The following TMEM30B variants were observed in gnomAD, a reference collection of about 807,000 sequenced individuals.
TMEM30B encodes cell cycle control protein 50B.
TMEM30B carries 25 observed loss-of-function variants against 27.9 expected under a neutral mutation model. The observed-to-expected ratio is 0.89, with a 90% CI of 0.65 to 1.25. TMEM30B has a LOEUF of 1.25. Among genes scored for constraint, TMEM30B ranks in the 50% most tolerant of loss-of-function variants. The probability of loss-of-function intolerance (pLI) is 0.00; values close to 1 mark genes in which losing one functional copy is unlikely to be tolerated. For missense variants in TMEM30B, 536 were observed against 506.5 expected (o/e 1.06, Z -0.56); for synonymous variants, 248 against 238.5 (o/e 1.04, Z -0.37).
Position 61,281,047 on chromosome 14 carries a change from A to C in TMEM30B, c.101T>G (p.Ile34Ser). Reference sequence around the variant, plus strand: ...CGCGCAGAAGAAGAGCGGCAGCGCGATGCTGGCCGACAGCAGCGGCTGCCA... The same window carrying C: ...CGCGCAGAAGAAGAGCGGCAGCGCGCTGCTGGCCGACAGCAGCGGCTGCCA... ...PAWQPLLSASIALPLFFCAGL... is the reference protein window; with the variant it reads ...PAWQPLLSASSALPLFFCAGL... Residue 34 changes from isoleucine (I) to serine (S), a missense_variant, in exon 1 of 1, where the codon ATC (isoleucine) becomes AGC (serine). By Grantham distance (142) the Ile-to-Ser change is moderately radical. Coordinates refer to ENST00000555868, the MANE Select transcript of TMEM30B (RefSeq NM_001017970.3). 6.6e-7 allele frequency: 1 copy of C among 1,525,682 alleles called. No individual in the cohort carries two copies. The allele number at this position is 1,525,682 out of a possible 1,614,324, so 94.5% of individuals were successfully genotyped here.
At position 61,280,540 on chromosome 14, in the gene TMEM30B, T is replaced by C; in HGVS notation, c.608A>G (p.His203Arg). Residue 203 changes from histidine to arginine, a missense_variant, in exon 1 of 1, where the codon CAC (histidine) becomes CGC (arginine). Physicochemically the swap from His to Arg is conservative, Grantham distance 29. Transcript: ENST00000555868. The surrounding 1 kb of genome is among the most constrained non-coding windows in gnomAD (Gnocchi z 5.0). ...CAGCGGCGGGTTGCGGAACTTGACG[T>C]GGTAGTCGGTCCACCAGGCGATGCC... Reference protein sequence around the residue: ...RSGIAWWTDYHVKFRNPPLVN... With the variant: ...RSGIAWWTDYRVKFRNPPLVN... The C allele has an allele frequency of 6.2e-7, 1 of 1,611,884 alleles. No homozygotes were observed. Among genetic ancestry groups the C allele is most frequent in the African/African-American group, 1.3e-5 (1 of 74,968 alleles).
rs1411803758 is a variant in TMEM30B at position 61,280,870 on chromosome 14, G to C, written c.278C>G (p.Ser93Trp). The C allele has an allele frequency of 1.1e-5, 18 of 1,566,262 alleles. No individual in the cohort carries two copies. Among genetic ancestry groups the C allele is most frequent in the Non-Finnish European group, 1.5e-5 (17 of 1,164,046 alleles). The change falls in exon 1 of 1, where the codon TCG becomes TGG. Residue 93 changes from serine (S) to tryptophan (W), a missense_variant. By Grantham distance (177) the Ser-to-Trp change is radical. Transcript: ENST00000555868. This position sits in a 1 kb window ranked among gnomAD's most constrained non-coding sequence, Gnocchi z 5.0. ...GQGRALPPPC[S>W]CAWYFSLPEL... ...GGGCAGCGAGAAGTACCAGGCGCAC[G>C]AGCAGGGGGGCGGCAGCGCCCGGCC... is the stretch of plus-strand genomic sequence containing the variant.
rs2045248964 is a variant in TMEM30B, at chr14:61,280,496, A to G, written c.652T>C (p.Leu218=). 1 of 1,612,796 alleles carries G rather than the reference A, an allele frequency of 6.2e-7. No homozygotes were observed. Among genetic ancestry groups the G allele is most frequent in the African/African-American group, 1.3e-5 (1 of 74,922 alleles). The stretch of plus-strand genomic sequence containing the variant: ...GGGGGCGCCGTGCCCTGGAAGGCCA[A>G]CGCCAGGCTGCCGTTGACCAGCGGC... The part of the protein sequence containing the change: ...NPPLVNGSLA[L]AFQGTAPPPN... The change falls in exon 1 of 1, where the codon TTG becomes CTG. Residue 218 remains leucine, a synonymous_variant. Transcript: ENST00000555868. This position sits in a 1 kb window ranked among gnomAD's most constrained non-coding sequence, Gnocchi z 5.0.
rs539925872 is a variant in TMEM30B, at chr14:61,281,153, C to CCGCGCGGGGACCGA, written c.-20_-7dup. On this transcript the variant is annotated 5_prime_UTR_variant, in exon 1 of 1. Transcript: ENST00000555868. ...GCCGTGGCGCTCCAGGTCATGGCGG[C>CCGCGCGGGGACCGA]CGCGCGGGGACCGACGCGCGGGCTG... The CCGCGCGGGGACCGA allele has an allele frequency of 6.9e-4, 921 of 1,336,774 alleles. 4 individuals carry two copies. The African/African-American group carries it at 0.013, about 19-fold the overall frequency. 82.8% of individuals were successfully genotyped at this position (1,336,774 alleles called of 1,614,324 possible).
In TMEM30B at chr14:61,280,508, C is replaced by G. The variant is rs2045249145; in HGVS notation, c.640G>C (p.Gly214Arg). ...CCCTGGAAGGCCAACGCCAGGCTGCCGTTGACCAGCGGCGGGTTGCGGAAC... is the reference window on the plus strand; with the variant it reads ...CCCTGGAAGGCCAACGCCAGGCTGCGGTTGACCAGCGGCGGGTTGCGGAAC... ...VKFRNPPLVN[G>R]SLALAFQGTA... The change falls in exon 1 of 1, where the codon GGC becomes CGC. Residue 214 changes from glycine to arginine, a missense_variant. Transcript: ENST00000555868. The surrounding 1 kb of genome is among the most constrained non-coding windows in gnomAD (Gnocchi z 5.0). The G allele has an allele frequency of 1.2e-6, 2 of 1,612,964 alleles. No individual in the cohort carries two copies. Among genetic ancestry groups the G allele is most frequent in the Non-Finnish European group, 1.7e-6 (2 of 1,179,606 alleles).
In TMEM30B at chr14:61,280,812, G is replaced by A. The variant is rs768490902; in HGVS notation, c.336C>T (p.Tyr112=). 3 of 1,563,312 alleles carry A rather than the reference G, an allele frequency of 1.9e-6. No homozygotes were observed. The highest frequency in any genetic ancestry group is 2.6e-6 in the Non-Finnish European group (3 of 1,163,654). Residue 112 remains tyrosine, a synonymous_variant, in exon 1 of 1, where the codon TAC becomes TAT. Coordinates refer to ENST00000555868, the MANE Select transcript of TMEM30B (RefSeq NM_001017970.3). The surrounding 1 kb of genome is among the most constrained non-coding windows in gnomAD (Gnocchi z 5.0). ...ELFQGPVYLY[Y]ELTNFYQNNR... is the part of the protein sequence containing the mutation. ...TGTTCTGGTAGAAGTTGGTCAGCTC[G>A]TAGTAGAGGTACACTGGGCCCTGGA...
rs1036334297 is a variant in TMEM30B, at chr14:61,277,417, C to T, written c.*2675G>A. The T allele has an allele frequency of 9.9e-5, 15 of 152,150 alleles. No homozygotes were observed. The highest frequency in any genetic ancestry group is 3.6e-4 in the African/African-American group (15 of 41,432). 9.4% of individuals were successfully genotyped at this position (152,150 alleles called of 1,614,324 possible). A position where few individuals can be genotyped will look rare whatever the true frequency, so the allele number is the denominator to read the frequency against. On this transcript the variant is annotated 3_prime_UTR_variant, in exon 1 of 1. Coordinates refer to ENST00000555868, the MANE Select transcript of TMEM30B (RefSeq NM_001017970.3). ...TACAAAGTTAGGTCAAAGCTCATTT[C>T]CAGTCCAATTGTTGAGGTTCACTCT...
At position 61,280,807 on chromosome 14, in the gene TMEM30B, A is replaced by G. The variant is rs992363674; in HGVS notation, c.341T>C (p.Leu114Pro). ...FQGPVYLYYELTNFYQNNRRY... is the reference protein window; with the variant it reads ...FQGPVYLYYEPTNFYQNNRRY... ...CCGGTTGTTCTGGTAGAAGTTGGTC[A>G]GCTCGTAGTAGAGGTACACTGGGCC... The change falls in exon 1 of 1, where the codon CTG becomes CCG. Residue 114 changes from leucine (L) to proline (P), a missense_variant. Transcript: ENST00000555868. The surrounding 1 kb of genome is among the most constrained non-coding windows in gnomAD (Gnocchi z 5.0). 2.6e-6 allele frequency: 4 copies of G among 1,560,866 alleles called. No homozygotes were observed. Among genetic ancestry groups the G allele is most frequent in the Non-Finnish European group, 3.4e-6 (4 of 1,162,664 alleles).
Position 61,281,040 on chromosome 14 carries a change from C to A in TMEM30B, c.108G>T (p.Leu36=). 2 of 1,529,082 alleles carry A rather than the reference C, an allele frequency of 1.3e-6. No homozygotes were observed. Among genetic ancestry groups the A allele is most frequent in the Non-Finnish European group, 1.8e-6 (2 of 1,141,080 alleles). 94.7% of individuals were successfully genotyped at this position (1,529,082 alleles called of 1,614,324 possible). ...WQPLLSASIA[L]PLFFCAGLAF... ...CCAGGCCCGCGCAGAAGAAGAGCGG[C>A]AGCGCGATGCTGGCCGACAGCAGCG... The change falls in exon 1 of 1, where the codon CTG becomes CTT. Residue 36 remains leucine (L), a synonymous_variant. Coordinates refer to ENST00000555868, the MANE Select transcript of TMEM30B (RefSeq NM_001017970.3).
Position 61,280,942 on chromosome 14 carries a change from C to A in TMEM30B, c.206G>T (p.Gly69Val). 6.5e-7 allele frequency: 1 copy of A among 1,540,462 alleles called. No individual in the cohort carries two copies. The highest frequency in any genetic ancestry group is 8.7e-7 in the Non-Finnish European group (1 of 1,146,950). ...CGAGCAGTTACCGGTGCCCGGGTCG[C>A]CTGTATAGTCGTACTCCAGCTCCTT... is the stretch of plus-strand genomic sequence containing the variant. ...GIKELEYDYT[G>V]DPGTGNCSVC... is the part of the protein sequence containing the mutation. The change falls in exon 1 of 1, where the codon GGC (glycine) becomes GTC (valine). Residue 69 changes from glycine to valine, a missense_variant. Physicochemically the swap from Gly to Val is moderately radical, Grantham distance 109. Coordinates refer to ENST00000555868, the MANE Select transcript of TMEM30B (RefSeq NM_001017970.3). The surrounding 1 kb of genome is among the most constrained non-coding windows in gnomAD (Gnocchi z 5.0).
At position 61,279,562 on chromosome 14, in the gene TMEM30B, T is replaced by TA. The variant is rs2045237147; in HGVS notation, c.*529dup. ...TTTGGTGTCTCCTAATCTACCTGCATATTTAACAAGCATGTTCTCCCTCAC... is the reference window on the plus strand; with the variant it reads ...TTTGGTGTCTCCTAATCTACCTGCATAATTTAACAAGCATGTTCTCCCTCAC... On this transcript the variant is annotated 3_prime_UTR_variant, in exon 1 of 1. Coordinates refer to ENST00000555868, the MANE Select transcript of TMEM30B (RefSeq NM_001017970.3). 6.5e-6 allele frequency: 1 copy of TA among 153,358 alleles called. No homozygotes were observed. The highest frequency in any genetic ancestry group is 1.9e-4 in the East Asian group (1 of 5,208). 9.5% of individuals were successfully genotyped at this position (153,358 alleles called of 1,614,324 possible). A position where few individuals can be genotyped will look rare whatever the true frequency, so the allele number is the denominator to read the frequency against.
Position 61,281,084 on chromosome 14 carries a change from G to A in TMEM30B, c.64C>T (p.Arg22Cys). 1 of 1,512,356 alleles carries A rather than the reference G, an allele frequency of 6.6e-7. No individual in the cohort carries two copies. 93.7% of individuals were successfully genotyped at this position (1,512,356 alleles called of 1,614,324 possible). The change falls in exon 1 of 1, where the codon CGC becomes TGC. Residue 22 changes from arginine (R) to cysteine (C), a missense_variant. Physicochemically the swap from Arg to Cys is radical, Grantham distance 180. Transcript: ENST00000555868. ...AGCAGCGGCTGCCAGGCGGGGAGGCGCTGCTGAGTGAAGGCGGTGTTGTCG... is the reference window on the plus strand; with the variant it reads ...AGCAGCGGCTGCCAGGCGGGGAGGCACTGCTGAGTGAAGGCGGTGTTGTCG... ...QPDNTAFTQQ[R>C]LPAWQPLLSA...
chr14:61,280,134 G>C lies in TMEM30B; in HGVS notation c.1014C>G (p.Val338=), dbSNP rs756063139. The C allele has an allele frequency of 6.2e-7, 1 of 1,613,820 alleles. No homozygotes were observed. Among genetic ancestry groups the C allele is most frequent in the Non-Finnish European group, 8.5e-7 (1 of 1,179,908 alleles). The stretch of plus-strand genomic sequence containing the variant: ...CGTCCTGGTCCTGGTAGCGAATGTA[G>C]ACGACCAGCATGACAAAGCCGGTGA... The part of the protein sequence containing the change: ...CILTGFVMLV[V]YIRYQDQDDD... The change falls in exon 1 of 1, where the codon GTC becomes GTG. Residue 338 remains valine (V), a synonymous_variant. Transcript: ENST00000555868. This position sits in a 1 kb window ranked among gnomAD's most constrained non-coding sequence, Gnocchi z 5.0.
rs970022056 is a variant in TMEM30B, at chr14:61,279,038, G to A, written c.*1054C>T. On this transcript the variant is annotated 3_prime_UTR_variant, in exon 1 of 1. Coordinates refer to ENST00000555868, the MANE Select transcript of TMEM30B (RefSeq NM_001017970.3). ...AATGACAAAGAACACTGAGCTAGGA[G>A]ACATAGATGTGACTTTAGGGAACTT... The A allele has an allele frequency of 3.8e-4, 55 of 144,892 alleles. No homozygotes were observed. The highest frequency in any genetic ancestry group is 1.3e-3 in the African/African-American group (54 of 40,572). The allele number at this position is 144,892 out of a possible 1,614,324, so 9.0% of individuals were successfully genotyped here.
In TMEM30B at chr14:61,280,978, G is replaced by C; in HGVS notation, c.170C>G (p.Ser57Cys). 6.5e-7 allele frequency: 1 copy of C among 1,543,256 alleles called. No individual in the cohort carries two copies. Among genetic ancestry groups the C allele is most frequent in the Non-Finnish European group, 8.7e-7 (1 of 1,147,034 alleles). ...GTACTCCAGCTCCTTGATGCCGTTGGAGGAGTAGTAGAGGCCCAGGCCCAG... is the reference window on the plus strand; with the variant it reads ...GTACTCCAGCTCCTTGATGCCGTTGCAGGAGTAGTAGAGGCCCAGGCCCAG... ...IGLGLGLYYS[S>C]NGIKELEYDY... The change falls in exon 1 of 1, where the codon TCC becomes TGC. Residue 57 changes from serine to cysteine, a missense_variant. Coordinates refer to ENST00000555868, the MANE Select transcript of TMEM30B (RefSeq NM_001017970.3). This position sits in a 1 kb window ranked among gnomAD's most constrained non-coding sequence, Gnocchi z 5.0.
At position 61,281,051 on chromosome 14, in the gene TMEM30B, T is replaced by C; in HGVS notation, c.97A>G (p.Ser33Gly). ...CAGAAGAAGAGCGGCAGCGCGATGC[T>C]GGCCGACAGCAGCGGCTGCCAGGCG... ...LPAWQPLLSA[S>G]IALPLFFCAG... The change falls in exon 1 of 1, where the codon AGC becomes GGC. Residue 33 changes from serine (S) to glycine (G), a missense_variant. Ser to Gly is a moderately conservative substitution (Grantham distance 56). Coordinates refer to ENST00000555868, the MANE Select transcript of TMEM30B (RefSeq NM_001017970.3). The C allele has an allele frequency of 6.6e-7, 1 of 1,524,822 alleles. No homozygotes were observed. The highest frequency in any genetic ancestry group is 1.4e-5 in the African/African-American group (1 of 70,568). 94.5% of individuals were successfully genotyped at this position (1,524,822 alleles called of 1,614,324 possible).
rs2045240013 is a variant in TMEM30B, at chr14:61,279,886, C to G, written c.*206G>C. The G allele has an allele frequency of 5.2e-6, 3 of 581,404 alleles. No homozygotes were observed. The highest frequency in any genetic ancestry group is 3.7e-5 in the African/African-American group (2 of 53,438). 36.0% of individuals were successfully genotyped at this position (581,404 alleles called of 1,614,324 possible). On this transcript the variant is annotated 3_prime_UTR_variant, in exon 1 of 1. Transcript: ENST00000555868. ...GGGAAGAGTTTGCAAGGATGTTTCACTCTGCAGTCAACATCCCTCCCCGCG... is the reference window on the plus strand; with the variant it reads ...GGGAAGAGTTTGCAAGGATGTTTCAGTCTGCAGTCAACATCCCTCCCCGCG...
chr14:61,281,275 T>G lies in TMEM30B; in HGVS notation c.-128A>C, dbSNP rs1444311378. Reference sequence around the variant, plus strand: ...GGGTTTCCCGCCAGCTCAGGTGGGTTTTTGCCCGGGCCCCTCCTCTGCCTC... The same window carrying G: ...GGGTTTCCCGCCAGCTCAGGTGGGTGTTTGCCCGGGCCCCTCCTCTGCCTC... On this transcript the variant is annotated 5_prime_UTR_variant, in exon 1 of 1. Coordinates refer to ENST00000555868, the MANE Select transcript of TMEM30B (RefSeq NM_001017970.3). 2 of 475,168 alleles carry G rather than the reference T, an allele frequency of 4.2e-6. No homozygotes were observed. The highest frequency in any genetic ancestry group is 6.8e-6 in the Non-Finnish European group (2 of 292,190). The allele number at this position is 475,168 out of a possible 1,614,324, so 29.4% of individuals were successfully genotyped here. A position where few individuals can be genotyped will look rare whatever the true frequency, so the allele number is the denominator to read the frequency against.
chr14:61,280,827 T>G lies in TMEM30B; in HGVS notation c.321A>C (p.Pro107=), dbSNP rs2140092682. ...TGGTCAGCTCGTAGTAGAGGTACAC[T>G]GGGCCCTGGAAGAGCTCGGGCAGCG... The part of the protein sequence containing the change: ...YFSLPELFQG[P]VYLYYELTNF... Residue 107 remains proline (P), a synonymous_variant, in exon 1 of 1, where the codon CCA becomes CCC. Transcript: ENST00000555868. The surrounding 1 kb of genome is among the most constrained non-coding windows in gnomAD (Gnocchi z 5.0). 6.4e-7 allele frequency: 1 copy of G among 1,566,736 alleles called. No homozygotes were observed. The highest frequency in any genetic ancestry group is 1.2e-5 in the South Asian group (1 of 85,048).
Sources: allele counts gnomAD v4.1 joint callset, GRCh38; gene constraint gnomAD v4.1.1; non-coding constraint Gnocchi (gnomAD v3.1); transcripts MANE v1.5; gene names NCBI Gene and HGNC (gene_info 2026-07-23, HGNC 2026-07-21).